Variants in SDK1 observed in about 807,000 individuals in gnomAD.
SDK1 encodes protein sidekick-1.
Under a neutral mutation model 245.5 loss-of-function variants are expected in SDK1, and 157 were observed. That is an observed-to-expected ratio of 0.64 (90% CI 0.56 to 0.73). The LOEUF (loss-of-function observed/expected upper bound fraction) is 0.73, where lower values mean the gene tolerates loss of function less well. Among genes scored for constraint, SDK1 ranks in the 30% least tolerant of loss-of-function variants. The pLI is 0.00. For synonymous variants in SDK1, 1,647 were observed against 1,278.5 expected (o/e 1.29, Z -6.15); for missense variants, 3,583 against 3,002.3 (o/e 1.19, Z -4.52).
At chr7:3,809,208 G>C (rs556394932) in intron 4 of SDK1, among the ~76,000 whole-genome samples, 1 of 152,088 alleles carries the variant, frequency 6.6e-6, no homozygotes, top group Non-Finnish European at 1.5e-5. Flanking sequence ...AAGAGGGAAC[G>C]AGAGAAGGGG....
At chr7:3,840,574 C>G (rs1437903374) in intron 5 of SDK1, among the ~76,000 whole-genome samples, 14 of 152,178 alleles carry the variant, frequency 9.2e-5, no homozygotes, top group Admixed American at 9.2e-4. Flanking sequence ...GAATCAAATC[C>G]TGCATCTTAA....
chr7:3,537,121 C>T (rs1334005808), intron 1 of SDK1, among the ~76,000 whole-genome samples: 1 of 152,142 alleles, frequency 6.6e-6, no homozygotes, highest in Non-Finnish European at 1.5e-5. Context: ...CCTGTTATCC[C>T]TCTTAAATCA....
rs145726802 is a variant in SDK1, at chr7:3,583,863, A to G, written c.299-35217A>G. ...GCAGGCATTTCAAGTGGAGGGAACA[A>G]TAAGAGCAGAAGAAAGCATGGGACT... On this transcript the variant is annotated intron_variant, in intron 1 of 44. Transcript: ENST00000404826. 7.8e-3 allele frequency among the ~76,000 whole-genome samples: 1,185 copies of G among 152,180 alleles called. 5 individuals carry two copies. The highest frequency in any genetic ancestry group is 0.014 in the Middle Eastern group (4 of 294).
At chr7:4,171,660 C>A (rs1184467472) in intron 32 of SDK1, among the ~76,000 whole-genome samples, 5 of 152,088 alleles carry the variant, frequency 3.3e-5, no homozygotes, top group Admixed American at 6.5e-5. Context: ...CTGGTGGTGG[C>A]CAGTGAAGGG....
At chr7:3,774,028 C>G (rs540294520) in intron 4 of SDK1, among the ~76,000 whole-genome samples, 2 of 152,102 alleles carry the variant, frequency 1.3e-5, no homozygotes, top group Admixed American at 6.5e-5. Flanking sequence ...TCCTGGCTAA[C>G]ATGGTGAAAC....
chr7:3,357,350 T>G, intron 1 of SDK1, among the ~76,000 whole-genome samples: 1 of 111,474 alleles, frequency 9.0e-6, no homozygotes, highest in Non-Finnish European at 1.9e-5. Flanking sequence ...TTTTTTTTTT[T>G]TTTTTTTTTT....
intron 14 of SDK1, among the ~76,000 whole-genome samples, chr7:3,994,802 A>C (rs1562637967): frequency 6.6e-6 from 1 of 152,110 alleles, no homozygotes; most frequent in East Asian, 1.9e-4. Context: ...ACTGACCCTA[A>C]CTGGCTGTTG....
At chr7:3,504,567 A>G (rs1782328752) in intron 1 of SDK1, among the ~76,000 whole-genome samples, 1 of 152,186 alleles carries the variant, frequency 6.6e-6, no homozygotes, top group Non-Finnish European at 1.5e-5. Flanking sequence ...CTGGGTAAGA[A>G]TAGTCTTGTC....
Position 4,051,666 on chromosome 7 carries a change from A to C in SDK1, c.2747A>C (p.Glu916Ala). ...CTGGCATGGCCGGCAGATGCCCCCG[A>C]GGCTGTCACTGTGGTCACTATTGCC... ...KLLAWPADAPEAVTVVTIAPD... is the reference protein window; with the variant it reads ...KLLAWPADAPAAVTVVTIAPD... The change falls in exon 19 of 45, where the codon GAG (glutamate) becomes GCG (alanine). Residue 916 changes from glutamate (E) to alanine (A), a missense_variant. Transcript: ENST00000404826. 6.2e-7 allele frequency: 1 copy of C among 1,612,460 alleles called. No individual in the cohort carries two copies. Among genetic ancestry groups the C allele is most frequent in the Non-Finnish European group, 8.5e-7 (1 of 1,179,338 alleles).
At chr7:3,908,894 G>A (rs566940640) in intron 5 of SDK1, among the ~76,000 whole-genome samples, 1 of 151,094 alleles carries the variant, frequency 6.6e-6, no homozygotes, top group South Asian at 2.1e-4. Context: ...GGTATGGGTT[G>A]GACTCTCCTA....
At chr7:4,080,253 G>T (rs1584055637) in intron 22 of SDK1, among the ~76,000 whole-genome samples, 1 of 152,092 alleles carries the variant, frequency 6.6e-6, no homozygotes, top group African/African-American at 2.4e-5. Context: ...GAGACTTCCG[G>T]TCCGACTCCA....
In SDK1 at chr7:4,067,738, C is replaced by G. The variant is rs565143692; in HGVS notation, c.2912-100C>G. On this transcript the variant is annotated intron_variant, in intron 19 of 44. Coordinates refer to ENST00000404826, the MANE Select transcript of SDK1 (RefSeq NM_152744.4). Reference sequence around the variant, plus strand: ...CTCCTGCAGGGTTTTGCAGCCCCAGCTCACCACTTTCCTTCCATAGTTAGA... The same window carrying G: ...CTCCTGCAGGGTTTTGCAGCCCCAGGTCACCACTTTCCTTCCATAGTTAGA... The G allele has an allele frequency of 4.9e-6, 4 of 815,546 alleles. No homozygotes were observed. The African/African-American group carries it at 5.1e-5, about 10-fold the overall frequency. The allele number at this position is 815,546 out of a possible 1,614,324, so 50.5% of individuals were successfully genotyped here.
chr7:3,806,272 C>T (rs780722101), intron 4 of SDK1, among the ~76,000 whole-genome samples: 2 of 144,552 alleles, frequency 1.4e-5, no homozygotes, highest in Admixed American at 7.0e-5. Context: ...TGTGAGGTAA[C>T]GTATCTCTAG....
chr7:3,822,768 CAAAAAGAAAAAAAAA>C (rs1779676963), intron 5 of SDK1, among the ~76,000 whole-genome samples: 1 of 141,016 alleles, frequency 7.1e-6, no homozygotes, highest in Non-Finnish European at 1.5e-5. Context: ...AATTCCATCT[CAAAAAGAAAAAAAAA>C]AAAAAGAAAA....
Position 4,265,257 on chromosome 7 carries a change from C to T in SDK1, c.6515C>T (p.Ala2172Val), listed in dbSNP as rs780020133. Reference protein sequence around the residue: ...GRAPAPHRYEAVAGSEAGAQL... With the variant: ...GRAPAPHRYEVVAGSEAGAQL... ...GCACCTGCGCCGCACAGGTACGAGG[C>T]GGTGGCGGGCTCCGAGGCGGGCGCG... Residue 2172 changes from alanine to valine, a missense_variant, in exon 45 of 45, where the codon GCG becomes GTG. Physicochemically the swap from Ala to Val is moderately conservative, Grantham distance 64 (BLOSUM62 0). Transcript: ENST00000404826. 3.1e-5 allele frequency: 49 copies of T among 1,600,944 alleles called. No homozygotes were observed. The South Asian group carries it at 4.6e-4, about 15-fold the overall frequency.
chr7:4,220,859 C>T lies in SDK1; in HGVS notation c.5702-380C>T, dbSNP rs896430172. ...TGATCATAGCTCACTGCAGCCTCAA[C>T]CTCCCCCGGCTGAAGCGATACCCCC... On this transcript the variant is annotated intron_variant, in intron 39 of 44. Coordinates refer to ENST00000404826, the MANE Select transcript of SDK1 (RefSeq NM_152744.4). Among the ~76,000 whole-genome samples the T allele has an allele frequency of 2.5e-4, 38 of 152,082 alleles. 1 individual carries two copies. Among genetic ancestry groups the T allele is most frequent in the East Asian group, 7.8e-4 (4 of 5,156 alleles).
At chr7:3,834,169 C>A (rs1449540985) in intron 5 of SDK1, among the ~76,000 whole-genome samples, 1 of 152,212 alleles carries the variant, frequency 6.6e-6, no homozygotes, top group Non-Finnish European at 1.5e-5. Context: ...TGTCTCACTT[C>A]TGTCCCTAAG....
chr7:3,855,284 C>G (rs1177023222), intron 5 of SDK1, among the ~76,000 whole-genome samples: 26 of 151,794 alleles, frequency 1.7e-4, no homozygotes, highest in Admixed American at 1.6e-3. Context: ...TGGGGAATGA[C>G]AACACCATGA....
intron 22 of SDK1, among the ~76,000 whole-genome samples, chr7:4,094,843 G>T (rs1584110863): frequency 1.3e-5 from 2 of 152,182 alleles, no homozygotes; most frequent in South Asian, 4.1e-4. Flanking sequence ...AGAGGCAGAG[G>T]CTTCAGGCAG....
Sources: allele counts gnomAD v4.1 joint callset (sites outside exome capture counted in the v4.1 genomes callset), GRCh38; gene constraint gnomAD v4.1.1; transcripts MANE v1.5; gene names NCBI Gene and HGNC (gene_info 2026-07-23, HGNC 2026-07-21).